NHSL3: variants seen among roughly 807,000 people sequenced by gnomAD.
NHSL3 encodes the protein NHS-like protein 3.
the NHSL3 span, among the ~76,000 whole-genome samples, chr1:32,746,537 A>G: frequency 6.6e-6 from 1 of 152,208 alleles, no homozygotes; most frequent in Non-Finnish European, 1.5e-5. Flanking sequence ...CCTTACAGCA[A>G]CCTGGGAGGT....
chr1:32,748,204 A>G, the NHSL3 span, among the ~76,000 whole-genome samples: 503 of 152,266 alleles, frequency 3.3e-3, 3 homozygotes, highest in African/African-American at 0.011. Context: ...ACTTGAACCC[A>G]GGAGGCGGAG....
the NHSL3 span, chr1:32,770,073 T>A: frequency 1.3e-6 from 2 of 1,561,266 alleles, no homozygotes; most frequent in South Asian, 2.4e-5. The surrounding 1 kb of genome is among the most constrained non-coding windows in gnomAD (Gnocchi z 8.3). Context: ...ACATTGACCG[T>A]GTCTACCGGG....
the NHSL3 span, among the ~76,000 whole-genome samples, chr1:32,756,474 C>G: frequency 5.9e-5 from 6 of 102,310 alleles, 1 homozygote; most frequent in South Asian, 1.9e-3. Context: ...GACGAGACCC[C>G]CCCCCCCCGC....
chr1:32,752,900 TGC>T, the NHSL3 span, among the ~76,000 whole-genome samples: 5 of 91,254 alleles, frequency 5.5e-5, no homozygotes, highest in East Asian at 3.3e-4. Flanking sequence ...AAAAAAAACA[TGC>T]ACACACACAC....
the NHSL3 span, among the ~76,000 whole-genome samples, chr1:32,764,646 A>G: frequency 6.6e-6 from 1 of 151,988 alleles, no homozygotes; most frequent in African/African-American, 2.4e-5. Context: ...TTTTAATTTT[A>G]ATTTTAGTAG....
chr1:32,772,941 G>A, the NHSL3 span: 3 of 1,578,736 alleles, frequency 1.9e-6, no homozygotes, highest in Non-Finnish European at 2.6e-6. Flanking sequence ...CAATCTCAGG[G>A]ACCCGAGCAG....
the NHSL3 span, chr1:32,771,932 G>T: frequency 6.2e-7 from 1 of 1,600,766 alleles, no homozygotes; most frequent in Admixed American, 1.7e-5. Flanking sequence ...GCCCTGTCAG[G>T]GCGGGCCAGC....
At chr1:32,760,301 A>G in the NHSL3 span, among the ~76,000 whole-genome samples, 7 of 151,420 alleles carry the variant, frequency 4.6e-5, no homozygotes, top group Non-Finnish European at 7.4e-5. Context: ...TGGGCGCGCC[A>G]CCACCCCCGC....
chr1:32,770,403 C>G, the NHSL3 span: 4 of 1,608,020 alleles, frequency 2.5e-6, no homozygotes, highest in Admixed American at 1.7e-5. The surrounding 1 kb of genome is among the most constrained non-coding windows in gnomAD (Gnocchi z 8.3). Context: ...GCAGCCGCCA[C>G]CCATCCTCCT....
At chr1:32,746,923 G>A in the NHSL3 span, among the ~76,000 whole-genome samples, 1 of 152,316 alleles carries the variant, frequency 6.6e-6, no homozygotes, top group South Asian at 2.1e-4. Context: ...AGCGGCTGAG[G>A]GGTGGGAGTA....
At chr1:32,764,930 C>T in the NHSL3 span, among the ~76,000 whole-genome samples, 14 of 152,196 alleles carry the variant, frequency 9.2e-5, no homozygotes. Context: ...TTCTGTTCTC[C>T]CTGCCTGGTG....
At chr1:32,751,196 C>T in the NHSL3 span, among the ~76,000 whole-genome samples, 1 of 152,162 alleles carries the variant, frequency 6.6e-6, no homozygotes, top group Non-Finnish European at 1.5e-5. Flanking sequence ...CCTTCCATAC[C>T]ACCTACTTCT....
At chr1:32,772,247 C>G in the NHSL3 span, 8 of 1,603,934 alleles carry the variant, frequency 5.0e-6, no homozygotes, top group Admixed American at 1.7e-5. Context: ...AAGGCTCCCC[C>G]ACCTGTGGCC....
the NHSL3 span, among the ~76,000 whole-genome samples, chr1:32,746,244 A>AAAAAAAAAAAAAAAAAAAAG: frequency 7.0e-6 from 1 of 142,652 alleles, no homozygotes; most frequent in Non-Finnish European, 1.5e-5. Context: ...AAAAAAAAAA[A>AAAAAAAAAAAAAAAAAAAAG]AAACAAAAAA....
chr1:32,757,106 C>T, the NHSL3 span, among the ~76,000 whole-genome samples: 1 of 152,220 alleles, frequency 6.6e-6, no homozygotes, highest in Admixed American at 6.5e-5. Context: ...CCTAAGTCAT[C>T]CTCGGCCTCA....
the NHSL3 span, among the ~76,000 whole-genome samples, chr1:32,760,082 G>T: frequency 3.0e-4 from 46 of 152,250 alleles, no homozygotes; most frequent in African/African-American, 1.1e-3. Context: ...GGGGGCCTTC[G>T]TTTGTCCACC....
At chr1:32,763,738 AT>A in the NHSL3 span, among the ~76,000 whole-genome samples, 10 of 151,632 alleles carry the variant, frequency 6.6e-5, no homozygotes, top group African/African-American at 9.7e-5. Context: ...CGCCCGGCTA[AT>A]TTTTTTGTAC....
At chr1:32,751,401 T>C in the NHSL3 span, among the ~76,000 whole-genome samples, 1 of 152,126 alleles carries the variant, frequency 6.6e-6, no homozygotes, top group South Asian at 2.1e-4. Flanking sequence ...TCCACCAGTT[T>C]CTATTAAACA....
At chr1:32,746,547 T>C in the NHSL3 span, among the ~76,000 whole-genome samples, 4 of 151,984 alleles carry the variant, frequency 2.6e-5, no homozygotes, top group Admixed American at 1.3e-4. Flanking sequence ...ACCTGGGAGG[T>C]GGACAGTTAC....
Sources: gnomAD v4.1 joint callset for allele counts (sites outside exome capture counted in the v4.1 genomes callset) on GRCh38, gnomAD v4.1.1 for gene constraint, Gnocchi (gnomAD v3.1) non-coding constraint, MANE v1.5 for transcripts, NCBI Gene and HGNC (gene_info 2026-07-23, HGNC 2026-07-21) for gene names.